IL12RB1: variants seen among roughly 807,000 people sequenced by gnomAD.
IL12RB1 encodes interleukin-12 receptor subunit beta-1.
In IL12RB1, 64 loss-of-function variants were observed where a neutral mutation model predicts 94.4. That is an observed-to-expected ratio of 0.68 (90% CI 0.55 to 0.83). The LOEUF is 0.83. IL12RB1 is among the 40% of genes least tolerant of loss of function. The pLI is 0.00. For missense variants in IL12RB1, 814 were observed against 855.6 expected (o/e 0.95, Z 0.61); for synonymous variants, 362 against 355.5 (o/e 1.02, Z -0.21).
intron 12 of IL12RB1, 71 bp from the exon 13 acceptor site, chr19:18,064,081 G>T: frequency 1.9e-6 from 2 of 1,044,262 alleles, no homozygotes; most frequent in Non-Finnish European, 1.5e-6. Context: ...GGCTACCACA[G>T]CCTGTGGGTG....
chr19:18,072,024 C>T lies in IL12RB1; in HGVS notation c.1021+88G>A, dbSNP rs183532469. On this transcript the variant is annotated intron_variant, in intron 9 of 16. Transcript: ENST00000593993. ...CACTCCTTTAAAATTTTCTGCCTCG[C>T]TCCTCTCACCCTGGTCTAGCTGAGG... 6.4e-6 allele frequency: 6 copies of T among 941,216 alleles called. No homozygotes were observed. The East Asian group carries it at 1.4e-4, about 23-fold the overall frequency. 58.3% of individuals were successfully genotyped at this position (941,216 alleles called of 1,614,324 possible). A position where few individuals can be genotyped will look rare whatever the true frequency, so the allele number is the denominator to read the frequency against.
chr19:18,076,405 AT>A, intron 5 of IL12RB1, 78 bp from the exon 6 acceptor site: 1 of 766,714 alleles, frequency 1.3e-6, no homozygotes. Context: ...TTAGTTATTT[AT>A]TTACTTATTT....
intron 1 of IL12RB1, among the ~76,000 whole-genome samples, chr19:18,093,837 G>A (rs1041807520): frequency 2.6e-5 from 4 of 152,110 alleles, no homozygotes; most frequent in African/African-American, 7.2e-5. Flanking sequence ...ACTTAGTGTA[G>A]GACTGCCAGA....
rs1010459010 is a variant in IL12RB1, at chr19:18,086,268, ATAAG to A, written c.64+488_64+491del. On this transcript the variant is annotated intron_variant, in intron 1 of 16. Transcript: ENST00000593993. The stretch of plus-strand genomic sequence containing the variant: ...AATAAATAAATAAATAAATAAATAA[ATAAG>A]TAAAGTATACGGAAGGATGTGCATA... Among the ~76,000 whole-genome samples, 45 of 135,412 alleles carry A rather than the reference ATAAG, an allele frequency of 3.3e-4. No homozygotes were observed. In the South Asian group the frequency reaches 6.9e-3, roughly 21 times the overall value. 88.8% of individuals were successfully genotyped at this position (135,412 alleles called of 152,430 possible).
At position 18,063,975 on chromosome 19, in the gene IL12RB1, G is replaced by A. The variant is rs751957558; in HGVS notation, c.1519C>T (p.Leu507Phe). The A allele has an allele frequency of 5.0e-6, 8 of 1,612,478 alleles. No homozygotes were observed. In the African/African-American group the frequency reaches 6.7e-5, roughly 13 times the overall value. Residue 507 changes from leucine (L) to phenylalanine (F), a missense_variant, in exon 13 of 17, where the codon CTC becomes TTC. By Grantham distance (22) the Leu-to-Phe change is conservative. Coordinates refer to ENST00000593993, the MANE Select transcript of IL12RB1 (RefSeq NM_005535.3). Reference sequence around the variant, plus strand: ...GCTACACCAGCCCGCAGGCCACTGAGGGTAACTTGGGTCTCTGTGGGCTGC... The same window carrying A: ...GCTACACCAGCCCGCAGGCCACTGAAGGTAACTTGGGTCTCTGTGGGCTGC... Reference protein sequence around the residue: ...PVQPTETQVTLSGLRAGVAYT... With the variant: ...PVQPTETQVTFSGLRAGVAYT...
At chr19:18,073,647 C>T (rs367812112) in intron 7 of IL12RB1, 48 bp from the exon 8 acceptor site, 32 of 1,089,480 alleles carry the variant, frequency 2.9e-5, no homozygotes, top group Non-Finnish European at 4.1e-5. Flanking sequence ...GAGAGAAAGA[C>T]TGATGGATGT....
At chr19:18,083,348 G>T in intron 2 of IL12RB1, 84 bp downstream of exon 2, 1 of 1,260,076 alleles carries the variant, frequency 7.9e-7, no homozygotes. Flanking sequence ...GCCTGGTGGT[G>T]GAGGCCATGG....
intron 8 of IL12RB1, 78 bp downstream of exon 8, chr19:18,073,439 T>G: frequency 1.1e-6 from 1 of 874,400 alleles, no homozygotes; most frequent in Non-Finnish European, 2.0e-6. Flanking sequence ...CATCTACCAC[T>G]TGCTCATCCC....
intron 1 of IL12RB1, among the ~76,000 whole-genome samples, chr19:18,084,916 AG>A (rs976472683): frequency 6.6e-6 from 1 of 152,206 alleles, no homozygotes; most frequent in African/African-American, 2.4e-5. Context: ...CAGTGTCTGA[AG>A]CCAGCATGGG....
intron 1 of IL12RB1, among the ~76,000 whole-genome samples, chr19:18,085,642 C>T (rs998378173): frequency 6.6e-6 from 1 of 152,004 alleles, no homozygotes; most frequent in African/African-American, 2.4e-5. Context: ...TAGAGTCTTG[C>T]TCTGCCACAC....
At chr19:18,068,750 CTTTT>C (rs34731245) in intron 10 of IL12RB1, among the ~76,000 whole-genome samples, 4 of 126,620 alleles carry the variant, frequency 3.2e-5, no homozygotes. Context: ...ACCAGGGCTT[CTTTT>C]TTTTTTTTTT....
chr19:18,087,188 G>A (rs2036403241), upstream of IL12RB1, among the ~76,000 whole-genome samples: 2 of 150,990 alleles, frequency 1.3e-5, no homozygotes, highest in African/African-American at 4.9e-5. Flanking sequence ...CACTTGGCCA[G>A]GTCTCTGGCC....
At chr19:18,065,065 A>T (rs1243779648) in intron 12 of IL12RB1, among the ~76,000 whole-genome samples, 1 of 152,174 alleles carries the variant, frequency 6.6e-6, no homozygotes, top group Non-Finnish European at 1.5e-5. Context: ...GGGTATAAAT[A>T]TGAGACGTAG....
In IL12RB1 at chr19:18,059,506, A is replaced by G; in HGVS notation, c.*102T>C. On this transcript the variant is annotated 3_prime_UTR_variant, in exon 17 of 17. Coordinates refer to ENST00000593993, the MANE Select transcript of IL12RB1 (RefSeq NM_005535.3). ...CACGGGGCAGAGAGGAGGCAGGTGC[A>G]CTGGAGCCTGGAGGAGCTCTGGGTT... The G allele has an allele frequency of 2.7e-6, 2 of 740,704 alleles. No individual in the cohort carries two copies. The highest frequency in any genetic ancestry group is 1.4e-5 in the South Asian group (1 of 69,938). The allele number at this position is 740,704 out of a possible 1,614,324, so 45.9% of individuals were successfully genotyped here. A position where few individuals can be genotyped will look rare whatever the true frequency, so the allele number is the denominator to read the frequency against.
intron 1 of IL12RB1, 37 bp downstream of exon 1, chr19:18,086,723 G>A (rs760280221): frequency 3.0e-5 from 47 of 1,584,764 alleles, no homozygotes; most frequent in Non-Finnish European, 3.8e-5. Context: ...CCTCCACCCA[G>A]CAAGAGGAGC....
At chr19:18,083,108 T>G in intron 2 of IL12RB1, 1 of 483,848 alleles carries the variant, frequency 2.1e-6, no homozygotes, top group Non-Finnish European at 3.8e-6. Flanking sequence ...AAATAAATGT[T>G]CTAATAATTT....
chr19:18,093,027 G>C (rs1254728166), intron 1 of IL12RB1, among the ~76,000 whole-genome samples: 1 of 151,860 alleles, frequency 6.6e-6, no homozygotes, highest in Non-Finnish European at 1.5e-5. Context: ...ATGTTAGGCC[G>C]GGCACAGTGG....
intron 9 of IL12RB1, chr19:18,070,686 C>A: frequency 4.4e-6 from 1 of 225,422 alleles, no homozygotes; most frequent in Non-Finnish European, 7.4e-6. Flanking sequence ...CGCCTGTAAT[C>A]CTAGCACTTT....
chr19:18,084,093 A>G (rs940045174), intron 1 of IL12RB1, among the ~76,000 whole-genome samples: 2 of 150,386 alleles, frequency 1.3e-5, no homozygotes, highest in Non-Finnish European at 3.0e-5. Flanking sequence ...TTATCCATCC[A>G]TGTATTCATC....
Sources: allele counts gnomAD v4.1 joint callset (sites outside exome capture counted in the v4.1 genomes callset), GRCh38; gene constraint gnomAD v4.1.1; transcripts MANE v1.5; gene names NCBI Gene and HGNC (gene_info 2026-07-23, HGNC 2026-07-21).